Variants in NEK1 observed in about 807,000 individuals in gnomAD.
NEK1 encodes NIMA related kinase 1.
NEK1 carries 137 observed loss-of-function variants against 182.1 expected under a neutral mutation model. The ratio of observed to expected loss-of-function variants is 0.75; its 90% CI spans 0.65 to 0.87. The LOEUF (loss-of-function observed/expected upper bound fraction) is 0.87, where lower values mean the gene tolerates loss of function less well. Ranked by LOEUF, NEK1 falls within the 40% of genes least tolerant of loss-of-function variation. The probability of loss-of-function intolerance (pLI) is 0.00; values close to 1 mark genes in which losing one functional copy is unlikely to be tolerated. For synonymous variants in NEK1, 513 were observed against 492.2 expected, an observed-to-expected ratio of 1.04 and a Z score of -0.56; for missense variants, 1,391 against 1,494.4, an observed-to-expected ratio of 0.93 and a Z score of 1.14.
At chr4:169,477,026 T>C in intron 26 of NEK1, 98 bp downstream of exon 26, 4 of 769,002 alleles carry the variant, frequency 5.2e-6, no homozygotes, top group Non-Finnish European at 7.9e-6. Context: ...TCAGCTTCTC[T>C]CAATTCTTCT....
At chr4:169,598,007 T>C (rs570644520) in intron 5 of NEK1, among the ~76,000 whole-genome samples, 1 of 152,108 alleles carries the variant, frequency 6.6e-6, no homozygotes, top group South Asian at 2.1e-4. Context: ...TCTTAATGTA[T>C]ATATGTACAT....
In NEK1 at chr4:169,393,255, A is replaced by G. The variant is rs1056791263; in HGVS notation, c.*1255T>C. ...TATTGAGAAAAGTAAAATAATAAATAAAAGACAATTGATATACTTCAGGTA... is the reference window on the plus strand; with the variant it reads ...TATTGAGAAAAGTAAAATAATAAATGAAAGACAATTGATATACTTCAGGTA... On this transcript the variant is annotated 3_prime_UTR_variant, in exon 36 of 36. Transcript: ENST00000507142. The G allele has an allele frequency of 6.6e-6, 1 of 152,222 alleles. No individual in the cohort carries two copies. Among genetic ancestry groups the G allele is most frequent in the Admixed American group, 6.5e-5 (1 of 15,282 alleles). 9.4% of individuals were successfully genotyped at this position (152,222 alleles called of 1,614,324 possible).
At chr4:169,439,835 G>A (rs887469399) in intron 27 of NEK1, among the ~76,000 whole-genome samples, 16 of 148,462 alleles carry the variant, frequency 1.1e-4, no homozygotes, top group Non-Finnish European at 2.1e-4. Context: ...AGAGGAGGAG[G>A]TTAGGGTATC....
chr4:169,414,435 G>C (rs1057197870), intron 31 of NEK1, among the ~76,000 whole-genome samples: 8 of 151,722 alleles, frequency 5.3e-5, no homozygotes, highest in African/African-American at 1.9e-4. Context: ...AAATTAACTT[G>C]TTTAATATTT....
chr4:169,512,130 G>C (rs1017374281), intron 19 of NEK1, among the ~76,000 whole-genome samples: 3 of 152,066 alleles, frequency 2.0e-5, no homozygotes, highest in African/African-American at 7.2e-5. Context: ...TGGAACATAT[G>C]CACAAGAATG....
chr4:169,415,697 C>A (rs2111223017), intron 31 of NEK1, among the ~76,000 whole-genome samples: 1 of 152,318 alleles, frequency 6.6e-6, no homozygotes, highest in Non-Finnish European at 1.5e-5. Flanking sequence ...CCTATCCCTG[C>A]TGATGAATGG....
intron 18 of NEK1, among the ~76,000 whole-genome samples, chr4:169,546,306 C>T (rs1323910655): frequency 2.0e-5 from 3 of 152,178 alleles, no homozygotes; most frequent in Non-Finnish European, 4.4e-5. Flanking sequence ...GAGTGAGTTT[C>T]TTAATCCTGA....
At chr4:169,505,439 AT>A (rs1430241032) in intron 23 of NEK1, among the ~76,000 whole-genome samples, 11 of 152,152 alleles carry the variant, frequency 7.2e-5, no homozygotes, top group Non-Finnish European at 1.2e-4. Context: ...TCTTAATAAC[AT>A]TTTTCCTTTA....
chr4:169,476,078 A>G (rs764597871), intron 26 of NEK1, among the ~76,000 whole-genome samples: 4 of 152,132 alleles, frequency 2.6e-5, no homozygotes, highest in Non-Finnish European at 4.4e-5. Context: ...CAAAGACACA[A>G]GAAGCTCAAT....
chr4:169,407,531 A>G (rs1322920584), intron 31 of NEK1, among the ~76,000 whole-genome samples: 3 of 152,316 alleles, frequency 2.0e-5, no homozygotes, highest in Non-Finnish European at 2.9e-5. Context: ...CAGCCAACTG[A>G]GTTGAGGAAA....
chr4:169,406,684 T>G lies in NEK1; in HGVS notation c.3286A>C (p.Thr1096Pro). 2 of 1,610,488 alleles carry G rather than the reference T, an allele frequency of 1.2e-6. No homozygotes were observed. Among genetic ancestry groups the G allele is most frequent in the Non-Finnish European group, 1.7e-6 (2 of 1,177,954 alleles). Residue 1096 changes from threonine to proline, a missense_variant, in exon 32 of 36, where the codon ACC becomes CCC. By Grantham distance (38) the Thr-to-Pro change is conservative. This residue lies in a region of NEK1 where 1,216 missense variants were observed against 1,277.6 expected (regional missense o/e 0.95). Transcript: ENST00000507142. ...TTGTCTTGACGAACATCTCCTACGGTGGGAACATCCATAAGGGTTCTGAAC... is the reference window on the plus strand; with the variant it reads ...TTGTCTTGACGAACATCTCCTACGGGGGGAACATCCATAAGGGTTCTGAAC... Reference protein sequence around the residue: ...KLFRTLMDVPTVGDVRQDNLE... With the variant: ...KLFRTLMDVPPVGDVRQDNLE...
chr4:169,596,763 C>T (rs1211892678), intron 5 of NEK1, among the ~76,000 whole-genome samples: 1 of 152,136 alleles, frequency 6.6e-6, no homozygotes, highest in Non-Finnish European at 1.5e-5. Context: ...TTTCAAAGCC[C>T]AGAAAGTAGT....
intron 23 of NEK1, among the ~76,000 whole-genome samples, chr4:169,504,893 CAAAG>C (rs777816294): frequency 6.6e-6 from 1 of 151,950 alleles, no homozygotes; most frequent in Non-Finnish European, 1.5e-5. Flanking sequence ...GTTTGAAATG[CAAAG>C]AAAGGATAAA....
At chr4:169,401,396 C>T (rs146290658) in intron 33 of NEK1, among the ~76,000 whole-genome samples, 22 of 151,282 alleles carry the variant, frequency 1.5e-4, no homozygotes, top group African/African-American at 4.1e-4. Context: ...AAAAATCAGT[C>T]AATAAATGGA....
chr4:169,453,468 C>T (rs1022293859), intron 27 of NEK1, among the ~76,000 whole-genome samples: 1 of 152,218 alleles, frequency 6.6e-6, no homozygotes, highest in African/African-American at 2.4e-5. Context: ...GGCCCCAAAA[C>T]TGGCTATAAT....
intron 18 of NEK1, among the ~76,000 whole-genome samples, chr4:169,545,204 TC>T (rs1276002459): frequency 1.8e-5 from 1 of 55,902 alleles, no homozygotes; most frequent in Non-Finnish European, 3.3e-5. Flanking sequence ...CCCTCCCCCC[TC>T]CCCCCACCCC....
chr4:169,453,690 A>T (rs535831855), intron 27 of NEK1, among the ~76,000 whole-genome samples: 1 of 152,346 alleles, frequency 6.6e-6, no homozygotes, highest in Admixed American at 6.5e-5. Flanking sequence ...CTATTCCTTT[A>T]ATTCGGCCCA....
At chr4:169,605,993 T>C (rs1018832637) in intron 2 of NEK1, among the ~76,000 whole-genome samples, 4 of 152,090 alleles carry the variant, frequency 2.6e-5, no homozygotes, top group African/African-American at 9.7e-5. Flanking sequence ...CTTCAGTTTC[T>C]TTATCTAGAA....
intron 11 of NEK1, among the ~76,000 whole-genome samples, chr4:169,577,797 A>C (rs1029259910): frequency 2.6e-5 from 4 of 151,886 alleles, no homozygotes; most frequent in Non-Finnish European, 4.4e-5. Flanking sequence ...TAAAAAATTC[A>C]CATTTTAGAA....
Sources: allele counts gnomAD v4.1 joint callset (sites outside exome capture counted in the v4.1 genomes callset), GRCh38; gene constraint gnomAD v4.1.1; regional missense constraint gnomAD v4.1.1; transcripts MANE v1.5; gene names NCBI Gene and HGNC (gene_info 2026-07-23, HGNC 2026-07-21).